Variants in PTPN21 observed in about 807,000 individuals in gnomAD.
PTPN21 encodes tyrosine-protein phosphatase non-receptor type 21.
A neutral mutation model predicts 131.8 loss-of-function variants in PTPN21; 77 were observed. That is an observed-to-expected ratio of 0.58 (90% CI 0.49 to 0.71). The LOEUF (loss-of-function observed/expected upper bound fraction) is 0.71. Ranked by LOEUF, PTPN21 falls within the 30% of genes least tolerant of loss-of-function variation. The pLI, the probability that PTPN21 is intolerant of heterozygous loss-of-function variation, is 0.00. For synonymous variants in PTPN21, 715 were observed against 621.3 expected, an observed-to-expected ratio of 1.15 and a Z score of -2.24; for missense variants, 1,552 against 1,527.1, an observed-to-expected ratio of 1.02 and a Z score of -0.27.
At chr14:88,544,754 G>A (rs1053795474) in intron 2 of PTPN21, among the ~76,000 whole-genome samples, 1 of 152,124 alleles carries the variant, frequency 6.6e-6, no homozygotes, top group Non-Finnish European at 1.5e-5. Context: ...AGAGGAAAAG[G>A]TGCCCTGACT....
chr14:88,523,708 C>A (rs1052855278), intron 2 of PTPN21, among the ~76,000 whole-genome samples: 2 of 137,240 alleles, frequency 1.5e-5, no homozygotes, highest in Non-Finnish European at 3.1e-5. Context: ...AATCCACCCC[C>A]CAACCGTGAC....
chr14:88,550,686 C>G lies in PTPN21; in HGVS notation c.-202-67G>C, dbSNP rs193246706. 1.4e-3 allele frequency: 456 copies of G among 326,270 alleles called. 4 individuals carry two copies. The highest frequency in any genetic ancestry group is 3.0e-3 in the South Asian group (60 of 20,156). 20.2% of individuals were successfully genotyped at this position (326,270 alleles called of 1,614,324 possible). On this transcript the variant is annotated intron_variant, in intron 1 of 18. Coordinates refer to ENST00000556564, the MANE Select transcript of PTPN21 (RefSeq NM_007039.4). ...TGGGCTTTGCTTGTATAAAGAAAAGCCAGTCAAGCTGTGGCCAAAGAACAA... is the reference window on the plus strand; with the variant it reads ...TGGGCTTTGCTTGTATAAAGAAAAGGCAGTCAAGCTGTGGCCAAAGAACAA...
At chr14:88,497,915 T>G (rs887459031) in intron 8 of PTPN21, among the ~76,000 whole-genome samples, 1 of 151,876 alleles carries the variant, frequency 6.6e-6, no homozygotes, top group Non-Finnish European at 1.5e-5. Flanking sequence ...CTGGCCAACA[T>G]GGTGAAACCC....
chr14:88,547,725 T>G (rs2078804252), intron 2 of PTPN21: 13 of 451,738 alleles, frequency 2.9e-5, no homozygotes, highest in South Asian at 2.0e-4. Flanking sequence ...TTCTTCTTCT[T>G]CGGCAGTTTC....
Position 88,469,528 on chromosome 14 carries a change from C to G in PTPN21, c.3206G>C (p.Gly1069Ala). 6.2e-7 allele frequency: 1 copy of G among 1,614,114 alleles called. No homozygotes were observed. Among genetic ancestry groups the G allele is most frequent in the South Asian group, 1.1e-5 (1 of 91,078 alleles). The change falls in exon 17 of 19, where the codon GGC becomes GCC. Residue 1069 changes from glycine (G) to alanine (A), a missense_variant. Gly to Ala is a moderately conservative substitution (Grantham distance 60, BLOSUM62 0). Coordinates refer to ENST00000556564, the MANE Select transcript of PTPN21 (RefSeq NM_007039.4). The surrounding 1 kb of genome is among the most constrained non-coding windows in gnomAD (Gnocchi z 4.3). The stretch of plus-strand genomic sequence containing the variant: ...AAATCCCTTGAGGTCTTCTGGACAG[C>G]CATGTTCAGGCCAGTCTGTGTATTG... Reference protein sequence around the residue: ...HLQYTDWPEHGCPEDLKGFLS... With the variant: ...HLQYTDWPEHACPEDLKGFLS...
rs1020405056 is a variant in PTPN21 at position 88,467,480 on chromosome 14, G to T, written c.*657C>A. ...GAATTGAGCTCTCATTTGAAAAACA[G>T]AAGGTACAACTATATAGAATTTTTA... On this transcript the variant is annotated 3_prime_UTR_variant, in exon 19 of 19. Transcript: ENST00000556564. 3.9e-5 allele frequency: 6 copies of T among 152,148 alleles called. No individual in the cohort carries two copies. The highest frequency in any genetic ancestry group is 7.4e-5 in the Non-Finnish European group (5 of 68,016). 9.4% of individuals were successfully genotyped at this position (152,148 alleles called of 1,614,324 possible).
chr14:88,518,643 C>G (rs2078340973), intron 2 of PTPN21, among the ~76,000 whole-genome samples: 1 of 150,094 alleles, frequency 6.7e-6, no homozygotes, highest in African/African-American at 2.5e-5. Flanking sequence ...GTTGGTCAGG[C>G]TGGTCTCGAA....
chr14:88,506,852 G>A (rs2078098240), intron 4 of PTPN21, among the ~76,000 whole-genome samples: 1 of 152,046 alleles, frequency 6.6e-6, no homozygotes, highest in Non-Finnish European at 1.5e-5. Context: ...GACCAGCCTG[G>A]CCAACATGGT....
chr14:88,524,918 C>G (rs1374815102), intron 2 of PTPN21, among the ~76,000 whole-genome samples: 1 of 151,610 alleles, frequency 6.6e-6, no homozygotes, highest in African/African-American at 2.4e-5. Flanking sequence ...CACACATACA[C>G]ACGCACAAAA....
chr14:88,472,858 C>G (rs955614097), intron 14 of PTPN21, among the ~76,000 whole-genome samples: 9 of 152,016 alleles, frequency 5.9e-5, no homozygotes, highest in Non-Finnish European at 1.2e-4. Context: ...AAAACCAAAA[C>G]AGAAACAAAA....
chr14:88,475,085 CG>C (rs2077530523), intron 13 of PTPN21, among the ~76,000 whole-genome samples: 1 of 151,330 alleles, frequency 6.6e-6, no homozygotes, highest in Admixed American at 6.6e-5. Flanking sequence ...AGTGAGACTC[CG>C]TCTCCAAAAA....
chr14:88,532,159 C>A (rs1402208811), intron 2 of PTPN21, among the ~76,000 whole-genome samples: 1 of 151,074 alleles, frequency 6.6e-6, no homozygotes, highest in East Asian at 1.9e-4. Context: ...CAGATGGATT[C>A]ACAGCTGAAT....
chr14:88,518,734 T>C (rs1318188483), intron 2 of PTPN21, among the ~76,000 whole-genome samples: 2 of 151,752 alleles, frequency 1.3e-5, no homozygotes, highest in Non-Finnish European at 2.9e-5. Context: ...CCCAGCCTCA[T>C]AATTAATATT....
intron 8 of PTPN21, among the ~76,000 whole-genome samples, chr14:88,499,725 C>CA (rs1420107546): frequency 6.6e-6 from 1 of 152,014 alleles, no homozygotes; most frequent in East Asian, 1.9e-4. Context: ...ACAAAGGAAC[C>CA]AAAAAACAGA....
intron 2 of PTPN21, among the ~76,000 whole-genome samples, chr14:88,529,384 G>C (rs1260192978): frequency 6.6e-6 from 1 of 151,988 alleles, no homozygotes; most frequent in Non-Finnish European, 1.5e-5. Context: ...ATTTTGTTGA[G>C]AATTTTTGCA....
intron 5 of PTPN21, 147 bp from the exon 6 acceptor site, chr14:88,504,642 A>G (rs1341825445): frequency 1.7e-6 from 1 of 577,728 alleles, no homozygotes; most frequent in Admixed American, 3.3e-5. Flanking sequence ...TACATAGGTA[A>G]TCATCTTTCT....
intron 8 of PTPN21, 100 bp downstream of exon 8, chr14:88,500,678 GAGACC>G (rs2077993823): frequency 2.3e-5 from 17 of 752,840 alleles, no homozygotes; most frequent in Middle Eastern, 3.0e-4. Flanking sequence ...ATTTTTTAAT[GAGACC>G]TTGGTATAGA....
Position 88,508,038 on chromosome 14 carries a change from T to C in PTPN21, c.351-18A>G, listed in dbSNP as rs2078120441. On this transcript the variant is annotated intron_variant, in intron 3 of 18. Transcript: ENST00000556564. ...ACTGATACCTATAAAAAATGTCAGT[T>C]GTATAAGGTCAATGTCAATATTATC... 1 of 1,389,834 alleles carries C rather than the reference T, an allele frequency of 7.2e-7. No individual in the cohort carries two copies. The highest frequency in any genetic ancestry group is 1.0e-6 in the Non-Finnish European group (1 of 989,022). 86.1% of individuals were successfully genotyped at this position (1,389,834 alleles called of 1,614,324 possible). A position where few individuals can be genotyped will look rare whatever the true frequency, so the allele number is the denominator to read the frequency against.
intron 2 of PTPN21, among the ~76,000 whole-genome samples, chr14:88,541,695 C>T (rs1432952926): frequency 6.6e-6 from 1 of 152,136 alleles, no homozygotes; most frequent in African/African-American, 2.4e-5. Context: ...ATGGCCCTTC[C>T]TGAGACCTAA....
Sources: gnomAD v4.1 joint callset for allele counts (sites outside exome capture counted in the v4.1 genomes callset) on GRCh38, gnomAD v4.1.1 for gene constraint, Gnocchi (gnomAD v3.1) non-coding constraint, MANE v1.5 for transcripts, NCBI Gene and HGNC (gene_info 2026-07-23, HGNC 2026-07-21) for gene names.